The following LAIR2 variants were observed in gnomAD, a reference collection of about 807,000 sequenced individuals.
LAIR2 encodes leukocyte associated immunoglobulin like receptor 2.
Under a neutral mutation model 14.8 loss-of-function variants are expected in LAIR2, and 14 were observed. That is an observed-to-expected ratio of 0.95 (90% CI 0.62 to 1.48). The LOEUF (loss-of-function observed/expected upper bound fraction) is 1.48. Among genes scored for constraint, LAIR2 ranks in the 40% most tolerant of loss-of-function variants. LAIR2 has a pLI of 0.00. For missense variants in LAIR2, 172 were observed against 180.9 expected (o/e 0.95, Z 0.28); for synonymous variants, 75 against 74.5 (o/e 1.01, Z -0.03).
Position 54,502,923 on chromosome 19 carries a change from C to T in LAIR2, c.5C>T (p.Ser2Phe), listed in dbSNP as rs2085300432. 1 of 1,614,118 alleles carries T rather than the reference C, an allele frequency of 6.2e-7. No homozygotes were observed. The highest frequency in any genetic ancestry group is 1.7e-5 in the Admixed American group (1 of 60,006). ...CAGAGTTCTGGGACCGGGGCCATGT[C>T]TCCACACCTCACTGCTCTCCTGGGC... The part of the protein sequence containing the change: M[S>F]PHLTALLGLV... Residue 2 changes from serine (S) to phenylalanine (F), a missense_variant, in exon 1 of 5, where the codon TCT becomes TTT. Physicochemically the swap from Ser to Phe is radical, Grantham distance 155 (BLOSUM62 -2). Coordinates refer to ENST00000301202, the MANE Select transcript of LAIR2 (RefSeq NM_002288.6).
intron 2 of LAIR2, among the ~76,000 whole-genome samples, chr19:54,504,059 C>T (rs536156171): frequency 2.3e-4 from 35 of 151,952 alleles, no homozygotes; most frequent in African/African-American, 5.8e-4. Context: ...CAGTTTCAAG[C>T]GATTCTCCTG....
chr19:54,503,436 C>T (rs1288872650), intron 1 of LAIR2, among the ~76,000 whole-genome samples: 3 of 142,872 alleles, frequency 2.1e-5, no homozygotes, highest in Non-Finnish European at 3.1e-5. Flanking sequence ...CTAGCGTGGG[C>T]GACAAGAACA....
chr19:54,503,473 A>G (rs1407638305), intron 1 of LAIR2, among the ~76,000 whole-genome samples: 1 of 152,144 alleles, frequency 6.6e-6, no homozygotes, highest in Non-Finnish European at 1.5e-5. Flanking sequence ...AACACCAAAA[A>G]GAAGGGCTGG....
intron 3 of LAIR2, 56 bp downstream of exon 3, chr19:54,508,240 C>G (rs1489241284): frequency 1.9e-6 from 3 of 1,550,596 alleles, no homozygotes; most frequent in African/African-American, 1.4e-5. Flanking sequence ...GAGCTTGTCC[C>G]GAGGTCCCTG....
In LAIR2 at chr19:54,510,650, T is replaced by C; in HGVS notation, c.*81T>C. 1.4e-6 allele frequency: 2 copies of C among 1,446,816 alleles called. No individual in the cohort carries two copies. Among genetic ancestry groups the C allele is most frequent in the Admixed American group, 3.4e-5 (2 of 58,514 alleles). The allele number at this position is 1,446,816 out of a possible 1,614,324, so 89.6% of individuals were successfully genotyped here. A position where few individuals can be genotyped will look rare whatever the true frequency, so the allele number is the denominator to read the frequency against. On this transcript the variant is annotated 3_prime_UTR_variant, in exon 5 of 5. Coordinates refer to ENST00000301202, the MANE Select transcript of LAIR2 (RefSeq NM_002288.6). ...TGAGCAATAGAAATGCACAGATGCC[T>C]ATACATACATATACAAATAAAAAGA...
intron 2 of LAIR2, among the ~76,000 whole-genome samples, chr19:54,506,748 C>A (rs894855226): frequency 2.0e-5 from 3 of 152,114 alleles, no homozygotes; most frequent in Non-Finnish European, 4.4e-5. Flanking sequence ...TGATAAGTAA[C>A]TGAGATATGG....
chr19:54,510,476 C>A (rs554084655), intron 4 of LAIR2, 50 bp from the exon 5 acceptor site: 1 of 1,537,886 alleles, frequency 6.5e-7, no homozygotes, highest in Admixed American at 1.7e-5. Flanking sequence ...TAGAAAACCC[C>A]AAAGGAGGGA....
At chr19:54,504,937 C>A (rs145267104) in intron 2 of LAIR2, among the ~76,000 whole-genome samples, 1 of 152,256 alleles carries the variant, frequency 6.6e-6, no homozygotes, top group South Asian at 2.1e-4. Flanking sequence ...ATTCCACATG[C>A]GGTATTTGTC....
In LAIR2 at chr19:54,503,082, A is replaced by G. The variant is rs186371342; in HGVS notation, c.34+130A>G. 1,730 of 857,572 alleles carry G rather than the reference A, an allele frequency of 2.0e-3. 5 individuals are homozygous for G. The highest frequency in any genetic ancestry group is 0.015 in the Middle Eastern group (62 of 4,040). 53.1% of individuals were successfully genotyped at this position (857,572 alleles called of 1,614,324 possible). A position where few individuals can be genotyped will look rare whatever the true frequency, so the allele number is the denominator to read the frequency against. ...GTCCTCCTCCCCCCAAGACTGCCCT[A>G]CTGCTCTCCCTGGGGCCTAAGTCTG... On this transcript the variant is annotated intron_variant, in intron 1 of 4. Transcript: ENST00000301202.
intron 2 of LAIR2, among the ~76,000 whole-genome samples, chr19:54,504,510 C>T (rs1217391496): frequency 2.3e-5 from 2 of 85,302 alleles, no homozygotes; most frequent in African/African-American, 5.5e-5. Context: ...TCCTGTTTAA[C>T]CGAAACTTTG....
At chr19:54,507,162 G>A (rs1026087464) in intron 2 of LAIR2, among the ~76,000 whole-genome samples, 6 of 151,020 alleles carry the variant, frequency 4.0e-5, no homozygotes, top group African/African-American at 1.2e-4. Context: ...CTGTTTCAGG[G>A]CGTCAAACCC....
In LAIR2 at chr19:54,503,711, G is replaced by C; in HGVS notation, c.46G>C (p.Ala16Pro). ...GGCTTCTCTTCCAGTGCTCTGCCTG[G>C]CCCAGACCATCCACACGCAGGAGGG... ...TALLGLVLCL[A>P]QTIHTQEGAL... is the part of the protein sequence containing the mutation. Residue 16 changes from alanine to proline, a missense_variant, in exon 2 of 5, where the codon GCC (alanine) becomes CCC (proline). This residue lies in a region of LAIR2 where 161 missense variants were observed against 149.0 expected (regional missense o/e 1.08). Coordinates refer to ENST00000301202, the MANE Select transcript of LAIR2 (RefSeq NM_002288.6). The C allele has an allele frequency of 6.2e-7, 1 of 1,613,942 alleles. No homozygotes were observed. The highest frequency in any genetic ancestry group is 8.5e-7 in the Non-Finnish European group (1 of 1,179,944).
chr19:54,503,622 C>T (rs1204153884), intron 1 of LAIR2, 78 bp from the exon 2 acceptor site: 38 of 1,593,252 alleles, frequency 2.4e-5, no homozygotes, highest in Non-Finnish European at 3.1e-5. Context: ...CCCCCAGCTC[C>T]GTCAAGCCCC....
rs1381987963 is a variant in LAIR2, at chr19:54,507,888, T to C, written c.71-3T>C. 2 of 1,612,736 alleles carry C rather than the reference T, an allele frequency of 1.2e-6. No individual in the cohort carries two copies. The highest frequency in any genetic ancestry group is 3.3e-5 in the Admixed American group (2 of 59,930). On this transcript the variant is annotated splice_region_variant and splice_polypyrimidine_tract_variant and intron_variant, in intron 2 of 4. Transcript: ENST00000301202. Reference sequence around the variant, plus strand: ...CTGAGATCCTTCTTTGCTTCCCTCTTAGGGGCCCTTCCCAGACCCTCCATC... The same window carrying C: ...CTGAGATCCTTCTTTGCTTCCCTCTCAGGGGCCCTTCCCAGACCCTCCATC...
chr19:54,510,508 A>C lies in LAIR2; in HGVS notation c.416-18A>C. ...GGGATGCTCCTATTAATACTGAGGA[A>C]GTATTTTGTCCTCACAGGGACTGTG... On this transcript the variant is annotated intron_variant, in intron 4 of 4. Coordinates refer to ENST00000301202, the MANE Select transcript of LAIR2 (RefSeq NM_002288.6). The C allele has an allele frequency of 6.2e-7, 1 of 1,603,048 alleles. No individual in the cohort carries two copies. The highest frequency in any genetic ancestry group is 8.5e-7 in the Non-Finnish European group (1 of 1,170,628).
Position 54,508,030 on chromosome 19 carries a change from TA to T in LAIR2, c.211del (p.Ser71ValfsTer21). On this transcript the variant is annotated frameshift_variant, in exon 3 of 5. Transcript: ENST00000301202. LOFTEE classifies it high-confidence loss of function. Reference sequence around the variant, plus strand: ...GGGAGGATAGAGCCAAGTACAAAGATAGTTATAATGTGTTTCGACTTGGTCC... The same window carrying T: ...GGGAGGATAGAGCCAAGTACAAAGATGTTATAATGTGTTTCGACTTGGTCC... ...EREDRAKYKD[S>X]YNVFRLGPSE... 1 of 1,614,134 alleles carries T rather than the reference TA, an allele frequency of 6.2e-7. No homozygotes were observed. The highest frequency in any genetic ancestry group is 8.5e-7 in the Non-Finnish European group (1 of 1,180,024).
chr19:54,506,077 G>A (rs2085359046), intron 2 of LAIR2, among the ~76,000 whole-genome samples: 2 of 151,946 alleles, frequency 1.3e-5, no homozygotes, highest in Non-Finnish European at 2.9e-5. Flanking sequence ...CGCCCACCTC[G>A]GCCTCCCAAA....
chr19:54,503,103 G>C (rs1373158554), intron 1 of LAIR2, 151 bp downstream of exon 1: 2 of 769,844 alleles, frequency 2.6e-6, no homozygotes, highest in East Asian at 5.0e-5. Context: ...TGGGGCCTAA[G>C]TCTGATCAGA....
intron 2 of LAIR2, among the ~76,000 whole-genome samples, chr19:54,505,539 C>T (rs1222896478): frequency 6.6e-6 from 1 of 152,154 alleles, no homozygotes; most frequent in Non-Finnish European, 1.5e-5. Flanking sequence ...TTTGCAAAAG[C>T]ACAACCATGA....
Sources: allele counts gnomAD v4.1 joint callset (sites outside exome capture counted in the v4.1 genomes callset), GRCh38; gene constraint gnomAD v4.1.1; regional missense constraint gnomAD v4.1.1; transcripts MANE v1.5; gene names NCBI Gene and HGNC (gene_info 2026-07-23, HGNC 2026-07-21).